The following KCNMA1 variants were observed in gnomAD, a reference collection of about 807,000 sequenced individuals.
KCNMA1 encodes potassium calcium-activated channel subfamily M alpha 1.
KCNMA1 carries 29 observed loss-of-function variants against 140.0 expected under a neutral mutation model. That is an observed-to-expected ratio of 0.21 (90% CI 0.15 to 0.28). The LOEUF is 0.28. KCNMA1 is among the 10% of genes least tolerant of loss of function. The pLI is 1.00. For missense variants in KCNMA1, 880 were observed against 1,602.2 expected (o/e 0.55, Z 7.70); for synonymous variants, 612 against 611.9 (o/e 1.00, Z 0.00).
chr10:77,288,044 G>T (rs931954327), intron 2 of KCNMA1, among the ~76,000 whole-genome samples: 3 of 152,138 alleles, frequency 2.0e-5, no homozygotes, highest in Non-Finnish European at 4.4e-5. Context: ...CTCTGCCTAC[G>T]CATGCATTCC....
intron 2 of KCNMA1, among the ~76,000 whole-genome samples, chr10:77,282,907 A>G (rs1298806419): frequency 6.6e-6 from 1 of 152,270 alleles, no homozygotes; most frequent in Non-Finnish European, 1.5e-5. Flanking sequence ...AACAAAAGAA[A>G]GAAACACAAG....
At chr10:77,148,894 A>ACC (rs1200338975) in intron 5 of KCNMA1, among the ~76,000 whole-genome samples, 5 of 152,222 alleles carry the variant, frequency 3.3e-5, no homozygotes, top group Admixed American at 6.5e-5. Flanking sequence ...TAATTTGAGA[A>ACC]CAGGTACTTC....
rs3068755 is a variant in KCNMA1, at chr10:77,324,940, ACTCTCTCTCTCTCTCT to A, written c.541-73700_541-73685del. On this transcript the variant is annotated intron_variant, in intron 2 of 27. Transcript: ENST00000286628. ...TTCTGGACACTCAGTATAGCTCTAG[ACTCTCTCTCTCTCTCT>A]CTCTCTCTCTCTCTCTGTGTGTGTG... is the stretch of plus-strand genomic sequence containing the variant. Among the ~76,000 whole-genome samples the A allele has an allele frequency of 3.5e-3, 330 of 93,462 alleles. 1 individual carries two copies. The highest frequency in any genetic ancestry group is 5.1e-3 in the African/African-American group (160 of 31,414). 61.3% of individuals were successfully genotyped at this position (93,462 alleles called of 152,430 possible).
At chr10:76,944,696 A>T in intron 23 of KCNMA1, 77 bp downstream of exon 23, 1 of 1,352,596 alleles carries the variant, frequency 7.4e-7, no homozygotes, top group Non-Finnish European at 1.1e-6. Context: ...TCTTTGAATT[A>T]CTGAGTGAAG....
intron 2 of KCNMA1, among the ~76,000 whole-genome samples, chr10:77,274,165 TCTTTCAA>T (rs1293535630): frequency 6.6e-6 from 1 of 152,148 alleles, no homozygotes; most frequent in Non-Finnish European, 1.5e-5. Flanking sequence ...TTCTCCTAAC[TCTTTCAA>T]GTATGACTAT....
At position 77,090,524 on chromosome 10, in the gene KCNMA1, GC is replaced by G; in HGVS notation, c.1224-15del. 6.4e-7 allele frequency: 1 copy of G among 1,571,794 alleles called. No homozygotes were observed. Among genetic ancestry groups the G allele is most frequent in the Non-Finnish European group, 8.8e-7 (1 of 1,141,484 alleles). On this transcript the variant is annotated splice_polypyrimidine_tract_variant and intron_variant, in intron 9 of 27. Coordinates refer to ENST00000286628, the MANE Select transcript of KCNMA1 (RefSeq NM_001161352.2). ...ACCACAATGTGCCTGAACAGGAGAG[GC>G]CAGTTAGATCAGGCCAGGCACCACG...
At chr10:77,046,364 G>A (rs1030340727) in intron 14 of KCNMA1, among the ~76,000 whole-genome samples, 4 of 152,044 alleles carry the variant, frequency 2.6e-5, no homozygotes, top group African/African-American at 4.8e-5. Flanking sequence ...CCATTAAAAC[G>A]TATTTATCAT....
Position 77,107,148 on chromosome 10 carries a change from G to T in KCNMA1, c.1223+1333C>A, listed in dbSNP as rs2097213050. ...CACGGCTGACTGTCAAAAAGAGAAG[G>T]CAGCAGTGGAGGGAAATACAATGCT... On this transcript the variant is annotated intron_variant, in intron 9 of 27. Coordinates refer to ENST00000286628, the MANE Select transcript of KCNMA1 (RefSeq NM_001161352.2). Among the ~76,000 whole-genome samples the T allele has an allele frequency of 9.9e-5, 15 of 152,278 alleles. 1 individual carries two copies. The South Asian group carries it at 2.9e-3, about 29-fold the overall frequency.
At chr10:76,987,061 C>CTT (rs36062874) in intron 19 of KCNMA1, among the ~76,000 whole-genome samples, 116 of 139,774 alleles carry the variant, frequency 8.3e-4, no homozygotes, top group African/African-American at 2.9e-3. Context: ...AGCCTTGAGA[C>CTT]TTTTTTTTTT....
In KCNMA1 at chr10:76,884,995, C is replaced by A; in HGVS notation, c.*2271G>T. The A allele has an allele frequency of 1.3e-6, 2 of 1,546,200 alleles. No individual in the cohort carries two copies. Among genetic ancestry groups the A allele is most frequent in the South Asian group, 1.2e-5 (1 of 83,316 alleles). On this transcript the variant is annotated 3_prime_UTR_variant, in exon 28 of 28. Transcript: ENST00000286628. Reference sequence around the variant, plus strand: ...GAACCATTAATTGTCATACCTTGGCCCATTCTATTCATCCTTGTTGCACTT... The same window carrying A: ...GAACCATTAATTGTCATACCTTGGCACATTCTATTCATCCTTGTTGCACTT...
intron 1 of KCNMA1, among the ~76,000 whole-genome samples, chr10:77,549,637 G>A (rs2062269133): frequency 6.6e-6 from 1 of 152,236 alleles, no homozygotes; most frequent in Admixed American, 6.5e-5. Flanking sequence ...ATGCCCTACA[G>A]GGCAGTTATC....
chr10:77,448,488 T>A (rs988409447), intron 1 of KCNMA1, among the ~76,000 whole-genome samples: 3 of 152,184 alleles, frequency 2.0e-5, no homozygotes, highest in African/African-American at 7.2e-5. Context: ...CTTACAAGGC[T>A]ATTGTTGACA....
At chr10:77,429,326 G>T (rs540803298) in intron 1 of KCNMA1, among the ~76,000 whole-genome samples, 1 of 152,240 alleles carries the variant, frequency 6.6e-6, no homozygotes, top group South Asian at 2.1e-4. Context: ...TGTTGTGGGA[G>T]GCTGTCCTGT....
chr10:77,162,338 A>G (rs748751467), intron 5 of KCNMA1, among the ~76,000 whole-genome samples: 1 of 152,198 alleles, frequency 6.6e-6, no homozygotes, highest in Non-Finnish European at 1.5e-5. Context: ...GAGGATTGCA[A>G]ATTTGCTGGG....
intron 23 of KCNMA1, among the ~76,000 whole-genome samples, chr10:76,915,711 G>A (rs1344276432): frequency 1.3e-5 from 2 of 152,170 alleles, no homozygotes; most frequent in Non-Finnish European, 2.9e-5. Flanking sequence ...GCTGGTGAGT[G>A]ACTTAGGCCT....
chr10:77,562,702 G>T (rs562960656), intron 1 of KCNMA1, among the ~76,000 whole-genome samples: 5 of 152,132 alleles, frequency 3.3e-5, no homozygotes, highest in Non-Finnish European at 7.3e-5. Context: ...GTAATAACCT[G>T]CACCTTATAC....
intron 5 of KCNMA1, among the ~76,000 whole-genome samples, chr10:77,134,789 G>A (rs2154000008): frequency 6.6e-6 from 1 of 151,964 alleles, no homozygotes; most frequent in East Asian, 1.9e-4. Flanking sequence ...ACAAGATCAG[G>A]AGATCGAGAC....
intron 4 of KCNMA1, 78 bp from the exon 5 acceptor site, chr10:77,183,610 A>G: frequency 9.6e-7 from 1 of 1,040,664 alleles, no homozygotes; most frequent in Non-Finnish European, 1.5e-6. Flanking sequence ...TCTTTTGTCA[A>G]AGGGTAAGTT....
chr10:76,935,264 A>C (rs1308905332), intron 23 of KCNMA1, among the ~76,000 whole-genome samples: 1 of 152,258 alleles, frequency 6.6e-6, no homozygotes, highest in East Asian at 1.9e-4. Context: ...CCAGTTTAGA[A>C]GTGAGGCTGG....
Sources: allele counts gnomAD v4.1 joint callset (sites outside exome capture counted in the v4.1 genomes callset), GRCh38; gene constraint gnomAD v4.1.1; transcripts MANE v1.5; gene names NCBI Gene and HGNC (gene_info 2026-07-23, HGNC 2026-07-21).